Variants in ARL11 observed in about 807,000 individuals in gnomAD.
The protein encoded by ARL11 is ARF like GTPase 11.
For synonymous variants in ARL11, 91 were observed against 111.2 expected (o/e 0.82, Z 1.15); for missense variants, 239 against 250.6 (o/e 0.95, Z 0.31).
Position 49,630,793 on chromosome 13 carries a change from C to T in ARL11, c.346C>T (p.Pro116Ser). 2 of 1,612,528 alleles carry T rather than the reference C, an allele frequency of 1.2e-6. No individual in the cohort carries two copies. The highest frequency in any genetic ancestry group is 1.7e-6 in the Non-Finnish European group (2 of 1,178,816). The change falls in exon 2 of 2, where the codon CCC becomes TCC. Residue 116 changes from proline to serine, a missense_variant. Coordinates refer to ENST00000282026, the MANE Select transcript of ARL11 (RefSeq NM_138450.6). ...GAACGACCCCAACATGGCTGGCGTC[C>T]CCTTCTTGGTGCTGGCCAACAAGCA... ...VLNDPNMAGV[P>S]FLVLANKQEA... is the part of the protein sequence containing the mutation.
At chr13:49,629,796 C>T (rs1436666930) in intron 1 of ARL11, among the ~76,000 whole-genome samples, 1 of 152,152 alleles carries the variant, frequency 6.6e-6, no homozygotes, top group Non-Finnish European at 1.5e-5. Flanking sequence ...CACTGTGTTT[C>T]CAAGACATAG....
intron 1 of ARL11, among the ~76,000 whole-genome samples, chr13:49,629,261 TCAAAACAAAA>T (rs575202695): frequency 7.9e-5 from 12 of 152,062 alleles, no homozygotes; most frequent in African/African-American, 9.6e-5. Context: ...AGACCCTGTC[TCAAAACAAAA>T]CAAAACAAAA....
At chr13:49,628,820 A>G (rs967472141) in intron 1 of ARL11, among the ~76,000 whole-genome samples, 6 of 152,212 alleles carry the variant, frequency 3.9e-5, no homozygotes, top group Non-Finnish European at 8.8e-5. Flanking sequence ...GGCTGGGCAC[A>G]GTGGCTCACG....
In ARL11 at chr13:49,633,098, G is replaced by A. The variant is rs1018188063; in HGVS notation, c.*2060G>A. The A allele has an allele frequency of 6.0e-6, 1 of 166,684 alleles. No individual in the cohort carries two copies. Among genetic ancestry groups the A allele is most frequent in the Non-Finnish European group, 1.5e-5 (1 of 68,116 alleles). The allele number at this position is 166,684 out of a possible 1,614,324, so 10.3% of individuals were successfully genotyped here. ...AAACTACAAACTGAGGCTCAGAGAA[G>A]GTGTGACCTCTTGTTGCTTGAGGCA... On this transcript the variant is annotated 3_prime_UTR_variant, in exon 2 of 2. Transcript: ENST00000282026.
chr13:49,630,132 C>T (rs1336727198), intron 1 of ARL11: 1 of 262,578 alleles, frequency 3.8e-6, no homozygotes, highest in Non-Finnish European at 7.4e-6. Context: ...ATCCTCACTT[C>T]CTTCAAAGCC....
chr13:49,633,303 T>C lies in ARL11; in HGVS notation c.*2265T>C, dbSNP rs376744131. On this transcript the variant is annotated 3_prime_UTR_variant, in exon 2 of 2. Coordinates refer to ENST00000282026, the MANE Select transcript of ARL11 (RefSeq NM_138450.6). ...GACTGCTTGGAAGCATGAAGGGAGGTGTAAGAAAGATAAGTAAGTCAGTGT... is the reference window on the plus strand; with the variant it reads ...GACTGCTTGGAAGCATGAAGGGAGGCGTAAGAAAGATAAGTAAGTCAGTGT... 3.6e-5 allele frequency: 6 copies of C among 166,286 alleles called. No individual in the cohort carries two copies. Among genetic ancestry groups the C allele is most frequent in the African/African-American group, 9.7e-5 (4 of 41,126 alleles). 10.3% of individuals were successfully genotyped at this position (166,286 alleles called of 1,614,324 possible). A position where few individuals can be genotyped will look rare whatever the true frequency, so the allele number is the denominator to read the frequency against.
rs1242522113 is a variant in ARL11 at position 49,631,095 on chromosome 13, G to A, written c.*57G>A. ...AAACTAGAAGAACCAGCTGATCCTT[G>A]AGAAATTTACGCTTAGTCTATCAAA... is the stretch of plus-strand genomic sequence containing the variant. On this transcript the variant is annotated 3_prime_UTR_variant, in exon 2 of 2. Transcript: ENST00000282026. The A allele has an allele frequency of 6.9e-7, 1 of 1,446,588 alleles. No individual in the cohort carries two copies. Among genetic ancestry groups the A allele is most frequent in the South Asian group, 1.3e-5 (1 of 74,902 alleles). 89.6% of individuals were successfully genotyped at this position (1,446,588 alleles called of 1,614,324 possible).
chr13:49,630,210 G>A (rs1964867001), intron 1 of ARL11: 3 of 464,198 alleles, frequency 6.5e-6, no homozygotes, highest in Non-Finnish European at 1.2e-5. Flanking sequence ...TCCGTTGTTT[G>A]CCTGCACAGA....
intron 1 of ARL11, among the ~76,000 whole-genome samples, chr13:49,629,299 AAAAC>A (rs1171978024): frequency 6.6e-6 from 1 of 152,094 alleles, no homozygotes; most frequent in Non-Finnish European, 1.5e-5. Context: ...AAAAAACCCA[AAAAC>A]AAACAAAAAA....
chr13:49,630,547 G>C lies in ARL11; in HGVS notation c.100G>C (p.Gly34Arg). 6.2e-7 allele frequency: 1 copy of C among 1,614,022 alleles called. No homozygotes were observed. Among genetic ancestry groups the C allele is most frequent in the South Asian group, 1.1e-5 (1 of 91,082 alleles). ...GKTTLLYKLKGHQLVETLPTV... is the reference protein window; with the variant it reads ...GKTTLLYKLKRHQLVETLPTV... Reference sequence around the variant, plus strand: ...GACCACGCTCCTTTACAAGCTGAAGGGCCACCAGCTGGTGGAGACCCTGCC... The same window carrying C: ...GACCACGCTCCTTTACAAGCTGAAGCGCCACCAGCTGGTGGAGACCCTGCC... The change falls in exon 2 of 2, where the codon GGC becomes CGC. Residue 34 changes from glycine to arginine, a missense_variant. Physicochemically the swap from Gly to Arg is moderately radical, Grantham distance 125 (BLOSUM62 -2). Transcript: ENST00000282026.
chr13:49,633,616 T>G lies in ARL11; in HGVS notation c.*2578T>G, dbSNP rs1202922576. On this transcript the variant is annotated 3_prime_UTR_variant, in exon 2 of 2. Coordinates refer to ENST00000282026, the MANE Select transcript of ARL11 (RefSeq NM_138450.6). ...GGGAGTGGAAGAGAGATGAGAAAAT[T>G]GAGAGCTATTATTAAGAAAAACAGT... 1 of 166,836 alleles carries G rather than the reference T, an allele frequency of 6.0e-6. No homozygotes were observed. Among genetic ancestry groups the G allele is most frequent in the East Asian group, 1.9e-4 (1 of 5,186 alleles). The allele number at this position is 166,836 out of a possible 1,614,324, so 10.3% of individuals were successfully genotyped here.
At position 49,631,207 on chromosome 13, in the gene ARL11, A is replaced by C; in HGVS notation, c.*169A>C. 1 of 600,618 alleles carries C rather than the reference A, an allele frequency of 1.7e-6. No homozygotes were observed. Among genetic ancestry groups the C allele is most frequent in the Non-Finnish European group, 2.8e-6 (1 of 356,608 alleles). 37.2% of individuals were successfully genotyped at this position (600,618 alleles called of 1,614,324 possible). A position where few individuals can be genotyped will look rare whatever the true frequency, so the allele number is the denominator to read the frequency against. On this transcript the variant is annotated 3_prime_UTR_variant, in exon 2 of 2. Coordinates refer to ENST00000282026, the MANE Select transcript of ARL11 (RefSeq NM_138450.6). ...GGTGGGGGAATCCCTTGAGCCCAGG[A>C]GTTGGAGAGCAACATCACAACACCC... is the stretch of plus-strand genomic sequence containing the variant.
chr13:49,630,400 CTGA>C (rs1964869170), intron 1 of ARL11, 27 bp from the exon 2 acceptor site: 2 of 1,454,232 alleles, frequency 1.4e-6, no homozygotes, highest in Middle Eastern at 1.9e-4. Flanking sequence ...AAGACAGTAG[CTGA>C]TGTGTGCCCT....
Position 49,632,026 on chromosome 13 carries a change from C to T in ARL11, c.*988C>T, listed in dbSNP as rs567940135. On this transcript the variant is annotated 3_prime_UTR_variant, in exon 2 of 2. Transcript: ENST00000282026. ...ACGTTCCCTGCCCTGGGACGCTCAC[C>T]CCTGGGCAAGAGGCTGGAAGTTCAC... 4.8e-5 allele frequency: 8 copies of T among 167,126 alleles called. 1 individual carries two copies. In the East Asian group the frequency reaches 1.5e-3, roughly 32 times the overall value. 10.4% of individuals were successfully genotyped at this position (167,126 alleles called of 1,614,324 possible).
chr13:49,631,554 G>C lies in ARL11; in HGVS notation c.*516G>C, dbSNP rs1414819303. Reference sequence around the variant, plus strand: ...TAATAGAGACCTAAATTCTCAAATAGGGAAAGAGGTTTTAAAATCAAATTT... The same window carrying C: ...TAATAGAGACCTAAATTCTCAAATACGGAAAGAGGTTTTAAAATCAAATTT... On this transcript the variant is annotated 3_prime_UTR_variant, in exon 2 of 2. Transcript: ENST00000282026. 1.8e-5 allele frequency: 3 copies of C among 167,016 alleles called. No homozygotes were observed. The highest frequency in any genetic ancestry group is 4.1e-4 in the South Asian group (2 of 4,826). The allele number at this position is 167,016 out of a possible 1,614,324, so 10.3% of individuals were successfully genotyped here. A position where few individuals can be genotyped will look rare whatever the true frequency, so the allele number is the denominator to read the frequency against.
chr13:49,630,875 G>T lies in ARL11; in HGVS notation c.428G>T (p.Arg143Ile). Residue 143 changes from arginine to isoleucine, a missense_variant, in exon 2 of 2, where the codon AGA becomes ATA. Coordinates refer to ENST00000282026, the MANE Select transcript of ARL11 (RefSeq NM_138450.6). ...ATCAGAAACAGGCTGAGTCTAGAGA[G>T]ATTCCAGGACCACTGCTGGGAGCTC... is the stretch of plus-strand genomic sequence containing the variant. Reference protein sequence around the residue: ...LKIRNRLSLERFQDHCWELRG... With the variant: ...LKIRNRLSLEIFQDHCWELRG... The T allele has an allele frequency of 6.3e-7, 1 of 1,592,154 alleles. No individual in the cohort carries two copies. The highest frequency in any genetic ancestry group is 8.6e-7 in the Non-Finnish European group (1 of 1,166,016).
In ARL11 at chr13:49,630,937, G is replaced by C. The variant is rs146850453; in HGVS notation, c.490G>C (p.Glu164Gln). Residue 164 changes from glutamate (E) to glutamine (Q), a missense_variant, in exon 2 of 2, where the codon GAG becomes CAG. Glu to Gln is a conservative substitution (Grantham distance 29). Coordinates refer to ENST00000282026, the MANE Select transcript of ARL11 (RefSeq NM_138450.6). The stretch of plus-strand genomic sequence containing the variant: ...TGCCCTCACTGGGGAGGGGCTGCCC[G>C]AGGCCCTGCAGAGCCTGTGGAGCCT... ...CSALTGEGLP[E>Q]ALQSLWSLLK... The C allele has an allele frequency of 6.2e-7, 1 of 1,605,286 alleles. No individual in the cohort carries two copies. The highest frequency in any genetic ancestry group is 1.3e-5 in the African/African-American group (1 of 74,732).
At position 49,633,532 on chromosome 13, in the gene ARL11, G is replaced by C. The variant is rs998038434; in HGVS notation, c.*2494G>C. The C allele has an allele frequency of 4.2e-5, 7 of 167,080 alleles. No individual in the cohort carries two copies. Among genetic ancestry groups the C allele is most frequent in the Non-Finnish European group, 1.0e-4 (7 of 68,144 alleles). The allele number at this position is 167,080 out of a possible 1,614,324, so 10.3% of individuals were successfully genotyped here. ...GTGTGGAGGTGAAATAAAGAGAAAA[G>C]GGAACCTTGGAGCTGGGAAGGCAGG... On this transcript the variant is annotated 3_prime_UTR_variant, in exon 2 of 2. Transcript: ENST00000282026.
At position 49,633,385 on chromosome 13, in the gene ARL11, CAA is replaced by C. The variant is rs1294134840; in HGVS notation, c.*2350_*2351del. The stretch of plus-strand genomic sequence containing the variant: ...GTGAAGTTGACATCACGATAGAAAA[CAA>C]AACTGGAATGGGAGTTTAGGTCCAA... On this transcript the variant is annotated 3_prime_UTR_variant, in exon 2 of 2. Transcript: ENST00000282026. 1.2e-5 allele frequency: 2 copies of C among 167,006 alleles called. No individual in the cohort carries two copies. Among genetic ancestry groups the C allele is most frequent in the Non-Finnish European group, 2.9e-5 (2 of 68,112 alleles). The allele number at this position is 167,006 out of a possible 1,614,324, so 10.3% of individuals were successfully genotyped here. A position where few individuals can be genotyped will look rare whatever the true frequency, so the allele number is the denominator to read the frequency against.
Sources: allele counts gnomAD v4.1 joint callset (sites outside exome capture counted in the v4.1 genomes callset), GRCh38; gene constraint gnomAD v4.1.1; transcripts MANE v1.5; gene names NCBI Gene and HGNC (gene_info 2026-07-23, HGNC 2026-07-21).